The following GAPDHS variants were observed in gnomAD, a reference collection of about 807,000 sequenced individuals.
GAPDHS encodes glyceraldehyde-3-phosphate dehydrogenase, spermatogenic.
A neutral mutation model predicts 48.7 loss-of-function variants in GAPDHS; 42 were observed. The ratio of observed to expected loss-of-function variants is 0.86; its 90% CI spans 0.67 to 1.12. The LOEUF (loss-of-function observed/expected upper bound fraction) is 1.12, where lower values mean the gene tolerates loss of function less well. GAPDHS is among the 50% of genes most tolerant of loss of function. The probability of loss-of-function intolerance (pLI) is 0.00; values close to 1 mark genes in which losing one functional copy is unlikely to be tolerated. For synonymous variants in GAPDHS, 166 were observed against 219.1 expected, an observed-to-expected ratio of 0.76 and a Z score of 2.14; for missense variants, 512 against 557.7, an observed-to-expected ratio of 0.92 and a Z score of 0.82.
In GAPDHS at chr19:35,533,601, G is replaced by C. The variant is rs1284347157; in HGVS notation, c.67+7G>C. ...CTGCGACAGCCGTGCCCGGGTGAGG[G>C]AGGCAGCGGAGGGCGCGGGGGAGGG... On this transcript the variant is annotated splice_region_variant and intron_variant, in intron 1 of 10. Coordinates refer to ENST00000222286, the MANE Select transcript of GAPDHS (RefSeq NM_014364.5). 6.2e-7 allele frequency: 1 copy of C among 1,607,800 alleles called. No homozygotes were observed. The highest frequency in any genetic ancestry group is 1.1e-5 in the South Asian group (1 of 90,898).
rs1341840028 is a variant in GAPDHS at position 35,543,646 on chromosome 19, C to T, written c.894-19C>T. On this transcript the variant is annotated intron_variant, in intron 8 of 10. Transcript: ENST00000222286. ...CGTCCCTAAGTTCTGACTCCTGTTC[C>T]TCATGGGGGATTCTCCAGGAAGCTG... 6.2e-7 allele frequency: 1 copy of T among 1,611,944 alleles called. No individual in the cohort carries two copies. The highest frequency in any genetic ancestry group is 8.5e-7 in the Non-Finnish European group (1 of 1,178,800).
chr19:35,543,717 G>A lies in GAPDHS; in HGVS notation c.946G>A (p.Asp316Asn), dbSNP rs1340371982. ...RVPTPDVSVV[D>N]LTCRLAQPAP... ...ACCAACCCCGGATGTGTCTGTCGTG[G>A]ACCTGACCTGCCGCCTCGCCCAGCC... The change falls in exon 9 of 11, where the codon GAC (aspartate) becomes AAC (asparagine). Residue 316 changes from aspartate (D) to asparagine (N), a missense_variant. By Grantham distance (23) the Asp-to-Asn change is conservative. Transcript: ENST00000222286. The A allele has an allele frequency of 1.9e-6, 3 of 1,614,092 alleles. No individual in the cohort carries two copies. Among genetic ancestry groups the A allele is most frequent in the South Asian group, 2.2e-5 (2 of 91,090 alleles).
In GAPDHS at chr19:35,533,518, A is replaced by G. The variant is rs777961202; in HGVS notation, c.-10A>G. ...GCAGGTCCAGGCCAATGATAACCTT[A>G]TAAGAGGCCATGTCGAAGCGCGACA... On this transcript the variant is annotated 5_prime_UTR_variant, in exon 1 of 11. Coordinates refer to ENST00000222286, the MANE Select transcript of GAPDHS (RefSeq NM_014364.5). 68 of 1,612,742 alleles carry G rather than the reference A, an allele frequency of 4.2e-5. No homozygotes were observed. The highest frequency in any genetic ancestry group is 3.6e-5 in the Non-Finnish European group (42 of 1,179,118).
In GAPDHS at chr19:35,542,312, C is replaced by CGGAA; in HGVS notation, c.450-7_450-6insGGAA. ...GAGACTGACTCAGCCCTGCCACTTCCCCACAGCAAAGAGCCCAAACAGATC... is the reference window on the plus strand; with the variant it reads ...GAGACTGACTCAGCCCTGCCACTTCCGGAACCACAGCAAAGAGCCCAAACAGATC... On this transcript the variant is annotated splice_region_variant and splice_polypyrimidine_tract_variant and intron_variant, in intron 4 of 10. Coordinates refer to ENST00000222286, the MANE Select transcript of GAPDHS (RefSeq NM_014364.5). 6.2e-7 allele frequency: 1 copy of CGGAA among 1,602,894 alleles called. No individual in the cohort carries two copies. Among genetic ancestry groups the CGGAA allele is most frequent in the South Asian group, 1.1e-5 (1 of 90,804 alleles).
intron 7 of GAPDHS, 114 bp downstream of exon 7, chr19:35,543,140 G>A: frequency 2.0e-6 from 2 of 979,706 alleles, no homozygotes; most frequent in Non-Finnish European, 1.6e-6. Flanking sequence ...GGGAGGAGAG[G>A]CCCACCAGTG....
intron 1 of GAPDHS, among the ~76,000 whole-genome samples, chr19:35,534,176 G>A (rs1201533806): frequency 1.3e-5 from 2 of 148,614 alleles, no homozygotes; most frequent in South Asian, 2.2e-4. Context: ...CAACAAGGGC[G>A]GCGCGCCCGC....
Position 35,536,820 on chromosome 19 carries a change from A to T in GAPDHS, c.75A>T (p.Arg25Ser), listed in dbSNP as rs2071468739. Residue 25 changes from arginine (R) to serine (S), a missense_variant, in exon 2 of 11, where the codon AGA becomes AGT. Arg to Ser is a moderately radical substitution (Grantham distance 110). Transcript: ENST00000222286. ...QLLRQPCPVT[R>S]APPPPEPKAE... ...CTCCCTTCCCCCGCATAGTGACCAG[A>T]GCACCGCCCCCACCTGAGCCTAAGG... 2.5e-6 allele frequency: 4 copies of T among 1,608,420 alleles called. No homozygotes were observed. Among genetic ancestry groups the T allele is most frequent in the Non-Finnish European group, 3.4e-6 (4 of 1,175,910 alleles).
intron 1 of GAPDHS, among the ~76,000 whole-genome samples, chr19:35,536,235 G>C (rs2071465205): frequency 6.6e-6 from 1 of 152,070 alleles, no homozygotes; most frequent in Admixed American, 6.6e-5. Flanking sequence ...TCCCCTTACA[G>C]AGGAGGAAAC....
Position 35,543,697 on chromosome 19 carries a change from C to A in GAPDHS, c.926C>A (p.Thr309Asn), listed in dbSNP as rs2071522720. Residue 309 changes from threonine (T) to asparagine (N), a missense_variant, in exon 9 of 11, where the codon ACC becomes AAC. Thr to Asn is a moderately conservative substitution (Grantham distance 65). Coordinates refer to ENST00000222286, the MANE Select transcript of GAPDHS (RefSeq NM_014364.5). ...KLTGMAFRVPTPDVSVVDLTC... is the reference protein window; with the variant it reads ...KLTGMAFRVPNPDVSVVDLTC... ...ACAGGGATGGCGTTCCGGGTACCAA[C>A]CCCGGATGTGTCTGTCGTGGACCTG... is the stretch of plus-strand genomic sequence containing the variant. 6.2e-7 allele frequency: 1 copy of A among 1,614,020 alleles called. No homozygotes were observed. The highest frequency in any genetic ancestry group is 1.3e-5 in the African/African-American group (1 of 75,050).
chr19:35,534,538 A>T (rs568113621), intron 1 of GAPDHS, among the ~76,000 whole-genome samples: 2 of 152,182 alleles, frequency 1.3e-5, no homozygotes, highest in Admixed American at 1.3e-4. Context: ...GCTTTTCTCC[A>T]ACCGGGGGAC....
At chr19:35,543,887 C>G in intron 9 of GAPDHS, 60 bp downstream of exon 9, 1 of 1,492,384 alleles carries the variant, frequency 6.7e-7, no homozygotes, top group Non-Finnish European at 8.9e-7. Context: ...ATGATTTCCA[C>G]TTGCCAGGGA....
intron 1 of GAPDHS, among the ~76,000 whole-genome samples, chr19:35,536,307 C>T (rs56408696): frequency 0.22 from 33,952 of 151,722 alleles, 4,324 homozygotes; most frequent in East Asian, 0.55. Context: ...CGGCCAGGCG[C>T]AGTGGCTCAC....
rs763231405 is a variant in GAPDHS, at chr19:35,542,364, C to T, written c.495C>T (p.Tyr165=). 3.1e-6 allele frequency: 5 copies of T among 1,613,184 alleles called. No homozygotes were observed. Among genetic ancestry groups the T allele is most frequent in the African/African-American group, 2.7e-5 (2 of 74,886 alleles). ...QIPWRAVGSP[Y]VVESTGVYLS... ...CCTGGAGGGCTGTCGGGAGCCCCTA[C>T]GTGGTGGAGTCCACAGGCGTGTACC... is the stretch of plus-strand genomic sequence containing the variant. The change falls in exon 5 of 11, where the codon TAC becomes TAT. Residue 165 remains tyrosine, a synonymous_variant. Coordinates refer to ENST00000222286, the MANE Select transcript of GAPDHS (RefSeq NM_014364.5).
At chr19:35,544,755 T>C (rs2071532695) in intron 9 of GAPDHS, 154 bp from the exon 10 acceptor site, 1 of 649,230 alleles carries the variant, frequency 1.5e-6, no homozygotes, top group South Asian at 1.7e-5. Context: ...CTGCACTTGG[T>C]CATACCCTCC....
chr19:35,544,657 C>G (rs959015197), intron 9 of GAPDHS: 2 of 536,722 alleles, frequency 3.7e-6, no homozygotes, highest in Non-Finnish European at 6.7e-6. Flanking sequence ...TTGCATTATT[C>G]CTAGGAAAGG....
intron 1 of GAPDHS, among the ~76,000 whole-genome samples, chr19:35,536,044 C>T (rs1010126868): frequency 4.6e-5 from 7 of 151,916 alleles, no homozygotes; most frequent in African/African-American, 9.7e-5. Flanking sequence ...CTGGCCACTC[C>T]GACGACTCCT....
Position 35,533,549 on chromosome 19 carries a change from C to G in GAPDHS, c.22C>G (p.Leu8Val), listed in dbSNP as rs776553316. ...GGCCATGTCGAAGCGCGACATCGTC[C>G]TCACCAATGTCACCGTTGTCCAGTT... MSKRDIVLTNVTVVQLLR... is the reference protein window; with the variant it reads MSKRDIVVTNVTVVQLLR... Residue 8 changes from leucine to valine, a missense_variant, in exon 1 of 11, where the codon CTC (leucine) becomes GTC (valine). Coordinates refer to ENST00000222286, the MANE Select transcript of GAPDHS (RefSeq NM_014364.5). 6 of 1,613,506 alleles carry G rather than the reference C, an allele frequency of 3.7e-6. No individual in the cohort carries two copies. The African/African-American group carries it at 8.0e-5, about 22-fold the overall frequency.
At chr19:35,538,536 C>T in intron 3 of GAPDHS, 41 bp from the exon 4 acceptor site, 6 of 1,370,080 alleles carry the variant, frequency 4.4e-6, no homozygotes, top group Non-Finnish European at 6.3e-6. Flanking sequence ...GGGATCCTCA[C>T]CCTGCCACCC....
intron 1 of GAPDHS, 32 bp downstream of exon 1, chr19:35,533,626 G>C: frequency 6.4e-7 from 1 of 1,562,528 alleles, no homozygotes; most frequent in African/African-American, 1.3e-5. Flanking sequence ...GCGGGGGAGG[G>C]GTGGAAAGGG....
Sources: allele counts gnomAD v4.1 joint callset (sites outside exome capture counted in the v4.1 genomes callset), GRCh38; gene constraint gnomAD v4.1.1; transcripts MANE v1.5; gene names NCBI Gene and HGNC (gene_info 2026-07-23, HGNC 2026-07-21).